The following ASCC3 variants were observed in gnomAD, a reference collection of about 807,000 sequenced individuals.
ASCC3 encodes the protein activating signal cointegrator 1 complex subunit 3.
Under a neutral mutation model 256.3 loss-of-function variants are expected in ASCC3, and 158 were observed. That is an observed-to-expected ratio of 0.62 (90% CI 0.54 to 0.70). The LOEUF (loss-of-function observed/expected upper bound fraction) is 0.70, where lower values mean the gene tolerates loss of function less well. Among genes scored for constraint, ASCC3 ranks in the 30% least tolerant of loss-of-function variants. The pLI is 0.00. For synonymous variants in ASCC3, 948 were observed against 883.4 expected (o/e 1.07, Z -1.30); for missense variants, 2,259 against 2,626.0 (o/e 0.86, Z 3.05).
At chr6:100,578,990 T>C (rs78512418) in intron 36 of ASCC3, among the ~76,000 whole-genome samples, 2,346 of 152,246 alleles carry the variant, frequency 0.015, 25 homozygotes, top group East Asian at 0.045. Context: ...CCAGCATCTG[T>C]TGTTTTTTGA....
chr6:100,813,960 G>A (rs1017168262), intron 4 of ASCC3, among the ~76,000 whole-genome samples: 11 of 152,056 alleles, frequency 7.2e-5, no homozygotes, highest in African/African-American at 2.7e-4. Flanking sequence ...TGATTGCTCT[G>A]GGTAGGATGT....
chr6:100,670,640 T>C (rs906053799), intron 14 of ASCC3, among the ~76,000 whole-genome samples: 21 of 139,858 alleles, frequency 1.5e-4, no homozygotes, highest in East Asian at 2.1e-4. Flanking sequence ...CAACTTTTTT[T>C]CCCCCCCAAA....
chr6:100,541,787 A>G (rs1430719895), intron 36 of ASCC3, among the ~76,000 whole-genome samples: 1 of 152,236 alleles, frequency 6.6e-6, no homozygotes, highest in African/African-American at 2.4e-5. Flanking sequence ...ATGAAAACTT[A>G]GGACTGACAT....
intron 13 of ASCC3, among the ~76,000 whole-genome samples, chr6:100,710,161 T>C (rs1778796993): frequency 6.6e-6 from 1 of 152,176 alleles, no homozygotes; most frequent in African/African-American, 2.4e-5. Context: ...TAAACTGCAA[T>C]CATACTTTAC....
At chr6:100,754,105 C>G (rs1414733) in intron 10 of ASCC3, among the ~76,000 whole-genome samples, 6,717 of 152,150 alleles carry the variant, frequency 0.044, 189 homozygotes, top group African/African-American at 0.072. Flanking sequence ...TTTAAGAAAA[C>G]ATTTTGCAGG....
intron 10 of ASCC3, among the ~76,000 whole-genome samples, chr6:100,763,422 T>C (rs9404031): frequency 0.35 from 52,694 of 152,036 alleles, 10,778 homozygotes; most frequent in Middle Eastern, 0.53. Context: ...GGGTAAGAAA[T>C]AGATGTTCAT....
At chr6:100,576,295 T>TA (rs994624023) in intron 36 of ASCC3, among the ~76,000 whole-genome samples, 1 of 152,018 alleles carries the variant, frequency 6.6e-6, no homozygotes, top group African/African-American at 2.4e-5. Flanking sequence ...ATGTCTTCAA[T>TA]AAAAAAATGC....
At chr6:100,708,450 AGAT>A (rs1384245090) in intron 13 of ASCC3, among the ~76,000 whole-genome samples, 3 of 152,182 alleles carry the variant, frequency 2.0e-5, no homozygotes, top group Admixed American at 2.0e-4. Context: ...ACACACATTT[AGAT>A]GAAAATACAT....
At chr6:100,711,685 G>C (rs1562242576) in intron 13 of ASCC3, among the ~76,000 whole-genome samples, 1 of 152,244 alleles carries the variant, frequency 6.6e-6, no homozygotes, top group South Asian at 2.1e-4. Context: ...AGCTGAGATT[G>C]TGCCATTGCA....
At chr6:100,748,598 A>G (rs1429671189) in intron 10 of ASCC3, among the ~76,000 whole-genome samples, 1 of 152,066 alleles carries the variant, frequency 6.6e-6, no homozygotes, top group Non-Finnish European at 1.5e-5. Context: ...TGCCTCAGAC[A>G]CAGTTGAATC....
At chr6:100,652,685 T>C in intron 18 of ASCC3, 40 bp downstream of exon 18, 2 of 1,576,382 alleles carry the variant, frequency 1.3e-6, no homozygotes, top group South Asian at 1.1e-5. Context: ...CTAGAAAGTA[T>C]TTGCATCTAA....
chr6:100,766,519 TA>T (rs773541482), intron 10 of ASCC3, 45 bp downstream of exon 10: 1 of 1,575,618 alleles, frequency 6.3e-7, no homozygotes, highest in Non-Finnish European at 8.7e-7. Flanking sequence ...CACAATTACC[TA>T]AAAAAAGAAT....
At chr6:100,678,067 G>A (rs1404993835) in intron 14 of ASCC3, among the ~76,000 whole-genome samples, 1 of 152,044 alleles carries the variant, frequency 6.6e-6, no homozygotes, top group Non-Finnish European at 1.5e-5. Context: ...ATCATAGATT[G>A]TAAGGATTGA....
At chr6:100,649,080 A>C (rs908615666) in intron 20 of ASCC3, among the ~76,000 whole-genome samples, 2 of 151,844 alleles carry the variant, frequency 1.3e-5, no homozygotes, top group Admixed American at 1.3e-4. Context: ...AATGTAATAA[A>C]GTATAATTTA....
chr6:100,758,659 T>C (rs1268302374), intron 10 of ASCC3, among the ~76,000 whole-genome samples: 1 of 152,210 alleles, frequency 6.6e-6, no homozygotes, highest in Non-Finnish European at 1.5e-5. Context: ...TGGGTTGGTT[T>C]CCTATCTTTG....
intron 8 of ASCC3, among the ~76,000 whole-genome samples, chr6:100,777,398 T>C (rs1189714191): frequency 6.6e-6 from 1 of 152,112 alleles, no homozygotes; most frequent in East Asian, 1.9e-4. Flanking sequence ...TCTATGTGGC[T>C]TAAACTGTTC....
intron 13 of ASCC3, among the ~76,000 whole-genome samples, chr6:100,707,486 C>A (rs1778659803): frequency 6.6e-6 from 1 of 151,742 alleles, no homozygotes; most frequent in Non-Finnish European, 1.5e-5. Context: ...TTATTTTTTC[C>A]CCTTCATGTT....
intron 1 of ASCC3, among the ~76,000 whole-genome samples, chr6:100,875,652 A>C (rs1773964250): frequency 6.6e-6 from 1 of 152,180 alleles, no homozygotes; most frequent in African/African-American, 2.4e-5. Context: ...GAGAGTTAAG[A>C]ACAGAGTTCT....
At chr6:100,580,986 G>GT (rs1255288847) in intron 36 of ASCC3, among the ~76,000 whole-genome samples, 2 of 151,990 alleles carry the variant, frequency 1.3e-5, no homozygotes, top group African/African-American at 4.8e-5. Context: ...TATCATTGTT[G>GT]GACATTTGGC....
Sources: allele counts gnomAD v4.1 joint callset (sites outside exome capture counted in the v4.1 genomes callset), GRCh38; gene constraint gnomAD v4.1.1; transcripts MANE v1.5; gene names NCBI Gene and HGNC (gene_info 2026-07-23, HGNC 2026-07-21).